The following ERC1 variants were observed in gnomAD, a reference collection of about 807,000 sequenced individuals.
The protein encoded by ERC1 is RAB6 interacting protein 2.
In ERC1, 56 loss-of-function variants were observed where a neutral mutation model predicts 132.0. That is an observed-to-expected ratio of 0.42 (90% CI 0.34 to 0.53). The LOEUF is 0.53. Among genes scored for constraint, ERC1 ranks in the 20% least tolerant of loss-of-function variants. ERC1 has a pLI of 0.03. For synonymous variants in ERC1, 478 were observed against 476.1 expected, an observed-to-expected ratio of 1.00 and a Z score of -0.05; for missense variants, 1,202 against 1,349.9, an observed-to-expected ratio of 0.89 and a Z score of 1.72.
chr12:1,147,832 T>A (rs1950517499), intron 8 of ERC1, among the ~76,000 whole-genome samples: 2 of 152,192 alleles, frequency 1.3e-5, no homozygotes, highest in Admixed American at 1.3e-4. Context: ...GCAGCCTGTT[T>A]GTTGCTCTAG....
At chr12:1,144,613 G>GGTATATATATATATATATATATAC (rs1555268127) in intron 8 of ERC1, among the ~76,000 whole-genome samples, 3 of 126,252 alleles carry the variant, frequency 2.4e-5, no homozygotes, top group African/African-American at 8.2e-5. Context: ...AGAATTTTGT[G>GGTATATATATATATATATATATAC]GTATATATAT....
chr12:1,460,741 C>T (rs1303570994), intron 18 of ERC1, among the ~76,000 whole-genome samples: 1 of 151,052 alleles, frequency 6.6e-6, no homozygotes. Flanking sequence ...TTTTTCTAAC[C>T]CTGATTGTCT....
intron 3 of ERC1, among the ~76,000 whole-genome samples, chr12:1,104,249 G>T (rs1387388968): frequency 3.9e-5 from 6 of 152,082 alleles, no homozygotes; most frequent in Non-Finnish European, 7.4e-5. Context: ...GAGCTTCATC[G>T]TAGGTAACCA....
intron 8 of ERC1, among the ~76,000 whole-genome samples, chr12:1,162,892 G>A (rs1952013726): frequency 6.6e-6 from 1 of 151,964 alleles, no homozygotes; most frequent in Non-Finnish European, 1.5e-5. Context: ...GAATTTTTTC[G>A]TTTTCTTTCC....
intron 3 of ERC1, among the ~76,000 whole-genome samples, chr12:1,084,967 G>T: frequency 1.5e-5 from 1 of 65,656 alleles, no homozygotes; most frequent in Non-Finnish European, 3.9e-5. Flanking sequence ...TTCTGAAAGT[G>T]CTGACATTAC....
At chr12:1,380,999 C>T (rs1281644562) in intron 16 of ERC1, 2 of 152,208 alleles carry the variant, frequency 1.3e-5, no homozygotes, top group Non-Finnish European at 2.9e-5. Flanking sequence ...TGAGGCCAGC[C>T]TCAGAGAGCA....
intron 15 of ERC1, among the ~76,000 whole-genome samples, chr12:1,357,732 T>TGAGAG (rs1427948681): frequency 6.6e-6 from 1 of 152,146 alleles, no homozygotes; most frequent in African/African-American, 2.4e-5. Context: ...TGTAAAATAA[T>TGAGAG]AAAGACAAAA....
At chr12:1,042,725 T>C (rs1271616024) in intron 2 of ERC1, among the ~76,000 whole-genome samples, 5 of 152,142 alleles carry the variant, frequency 3.3e-5, no homozygotes, top group Non-Finnish European at 7.3e-5. Flanking sequence ...CAAAGAAGCA[T>C]TTTTGGGAAC....
intron 14 of ERC1, among the ~76,000 whole-genome samples, chr12:1,272,924 A>T (rs1297651209): frequency 7.0e-6 from 1 of 141,898 alleles, no homozygotes; most frequent in Non-Finnish European, 1.5e-5. Context: ...CTCTAGCCTC[A>T]GTGATAGAGT....
In ERC1 at chr12:1,494,455, C is replaced by T. The variant is rs916313733; in HGVS notation, c.*4225C>T. On this transcript the variant is annotated 3_prime_UTR_variant, in exon 19 of 19. Transcript: ENST00000360905. ...TGGCTGTCTTCACCTACTCTTCTTG[C>T]AAGAAAAGACATACATTACAGGGAA... is the stretch of plus-strand genomic sequence containing the variant. 2 of 231,598 alleles carry T rather than the reference C, an allele frequency of 8.6e-6. No individual in the cohort carries two copies. Among genetic ancestry groups the T allele is most frequent in the African/African-American group, 4.4e-5 (2 of 45,164 alleles). The allele number at this position is 231,598 out of a possible 1,614,324, so 14.3% of individuals were successfully genotyped here.
chr12:1,367,540 C>T (rs951401171), intron 15 of ERC1, among the ~76,000 whole-genome samples: 8 of 152,118 alleles, frequency 5.3e-5, no homozygotes, highest in Non-Finnish European at 7.4e-5. Flanking sequence ...ACGCTAATTA[C>T]GGTCTCTTAT....
At chr12:1,463,056 C>G (rs1047486605) in intron 18 of ERC1, among the ~76,000 whole-genome samples, 1 of 152,176 alleles carries the variant, frequency 6.6e-6, no homozygotes, top group Non-Finnish European at 1.5e-5. Context: ...CCTTTCCCAG[C>G]ACTTAGTCCC....
At chr12:1,480,983 T>A (rs929747671) in intron 18 of ERC1, 2 of 699,500 alleles carry the variant, frequency 2.9e-6, no homozygotes, top group South Asian at 3.0e-5. Context: ...AAACTGTGGA[T>A]GGTACTGAAG....
intron 16 of ERC1, among the ~76,000 whole-genome samples, chr12:1,400,914 G>GTTTTTTTTTTTTTTTTTTTT (rs1566774897): frequency 9.0e-5 from 1 of 11,120 alleles, no homozygotes. Flanking sequence ...GGCTATTTTT[G>GTTTTTTTTTTTTTTTTTTTT]TATTTTTTTT....
At chr12:1,223,128 A>C (rs1471325286) in intron 12 of ERC1, among the ~76,000 whole-genome samples, 1 of 152,160 alleles carries the variant, frequency 6.6e-6, no homozygotes, top group Non-Finnish European at 1.5e-5. Context: ...TCAGAGGAGG[A>C]CTTTAACCTC....
chr12:1,439,442 A>G (rs2093041101), intron 17 of ERC1, among the ~76,000 whole-genome samples: 1 of 152,238 alleles, frequency 6.6e-6, no homozygotes, highest in Non-Finnish European at 1.5e-5. Flanking sequence ...TGAGAATCTA[A>G]TACATAAACA....
At chr12:1,248,041 T>C (rs2076261106) in intron 13 of ERC1, among the ~76,000 whole-genome samples, 1 of 152,172 alleles carries the variant, frequency 6.6e-6, no homozygotes, top group African/African-American at 2.4e-5. Flanking sequence ...AGTTGATCGT[T>C]CTAAAGATTA....
chr12:1,438,869 G>T (rs2093017675), intron 17 of ERC1, among the ~76,000 whole-genome samples: 1 of 151,940 alleles, frequency 6.6e-6, no homozygotes, highest in Admixed American at 6.6e-5. Flanking sequence ...CTGAGCCCAG[G>T]TGGCTGAGGC....
chr12:1,225,536 A>T (rs2074512718), intron 12 of ERC1, among the ~76,000 whole-genome samples: 1 of 151,550 alleles, frequency 6.6e-6, no homozygotes, highest in African/African-American at 2.4e-5. Flanking sequence ...AATTTCTTGA[A>T]TTGTTTTTTC....
Sources: gnomAD v4.1 joint callset for allele counts (sites outside exome capture counted in the v4.1 genomes callset) on GRCh38, gnomAD v4.1.1 for gene constraint, MANE v1.5 for transcripts, NCBI Gene and HGNC (gene_info 2026-07-23, HGNC 2026-07-21) for gene names.